Variants in SH3D19 observed in about 807,000 individuals in gnomAD.
SH3D19 encodes SH3 domain-containing protein 19.
SH3D19 carries 58 observed loss-of-function variants against 112.1 expected under a neutral mutation model. The observed-to-expected ratio is 0.52, with a 90% confidence interval of 0.42 to 0.64. SH3D19 has a LOEUF of 0.64. Ranked by LOEUF, SH3D19 falls within the 30% of genes least tolerant of loss-of-function variation. SH3D19 has a pLI of 0.00. For synonymous variants in SH3D19, 391 were observed against 448.5 expected (o/e 0.87, Z 1.62); for missense variants, 1,090 against 1,263.4 (o/e 0.86, Z 2.08).
At chr4:151,198,545 G>A (rs1202665189) in intron 2 of SH3D19, among the ~76,000 whole-genome samples, 1 of 150,062 alleles carries the variant, frequency 6.7e-6, no homozygotes, top group Admixed American at 6.7e-5. Flanking sequence ...TTGATCAAAG[G>A]TTTTAGGTTA....
intron 1 of SH3D19, among the ~76,000 whole-genome samples, chr4:151,302,091 T>C (rs1284848894): frequency 1.3e-5 from 2 of 152,178 alleles, no homozygotes; most frequent in Non-Finnish European, 2.9e-5. Flanking sequence ...ACCATGTAAC[T>C]TGCAGGACCC....
At chr4:151,258,758 G>T (rs549474630) in intron 1 of SH3D19, among the ~76,000 whole-genome samples, 4 of 152,174 alleles carry the variant, frequency 2.6e-5, no homozygotes, top group African/African-American at 7.2e-5. Flanking sequence ...AGAGGAGGGG[G>T]TGAAGCAGAG....
intron 1 of SH3D19, among the ~76,000 whole-genome samples, chr4:151,237,376 T>A (rs1306073641): frequency 6.6e-6 from 1 of 152,184 alleles, no homozygotes; most frequent in Non-Finnish European, 1.5e-5. Flanking sequence ...TTTGTACATC[T>A]CAGAATAACA....
intron 1 of SH3D19, among the ~76,000 whole-genome samples, chr4:151,269,950 G>A (rs1006423901): frequency 1.3e-5 from 2 of 152,120 alleles, no homozygotes; most frequent in African/African-American, 4.8e-5. Context: ...TTGTCCCACT[G>A]GAAGGTGTTC....
intron 2 of SH3D19, among the ~76,000 whole-genome samples, chr4:151,223,092 A>C (rs1330695084): frequency 6.9e-6 from 1 of 145,666 alleles, no homozygotes; most frequent in Non-Finnish European, 1.5e-5. Flanking sequence ...TACTTGATTT[A>C]GATGGTGACC....
intron 1 of SH3D19, among the ~76,000 whole-genome samples, chr4:151,240,074 G>C (rs886487935): frequency 7.9e-5 from 12 of 151,228 alleles, no homozygotes; most frequent in African/African-American, 2.9e-4. Flanking sequence ...CAACTAGCTT[G>C]GGCAACATAC....
chr4:151,192,031 G>A (rs1045281927), intron 2 of SH3D19, among the ~76,000 whole-genome samples: 19 of 144,904 alleles, frequency 1.3e-4, no homozygotes, highest in African/African-American at 3.9e-4. Context: ...TGCAAGCTCC[G>A]CCTCCTGGGT....
intron 1 of SH3D19, among the ~76,000 whole-genome samples, chr4:151,324,539 G>C (rs1291280505): frequency 7.7e-6 from 1 of 130,584 alleles, no homozygotes; most frequent in Non-Finnish European, 1.7e-5. Context: ...AAGAGGGAAG[G>C]GGTGTGGATC....
Position 151,175,453 on chromosome 4 carries a change from T to C in SH3D19, c.751A>G (p.Ile251Val). Reference protein sequence around the residue: ...SHIKEQSQQKISPAAVGEESS... With the variant: ...SHIKEQSQQKVSPAAVGEESS... ...TCCTCTCCTACGGCTGCTGGGCTGA[T>C]TTTCTGTTGACTTTGCTCTTTAATG... The change falls in exon 7 of 20, where the codon ATC becomes GTC. Residue 251 changes from isoleucine (I) to valine (V), a missense_variant. Transcript: ENST00000604030. The C allele has an allele frequency of 2.6e-6, 4 of 1,510,804 alleles. No individual in the cohort carries two copies. Among genetic ancestry groups the C allele is most frequent in the South Asian group, 2.8e-5 (2 of 72,670 alleles). 93.6% of individuals were successfully genotyped at this position (1,510,804 alleles called of 1,614,324 possible).
At chr4:151,255,395 C>A (rs937553259) in intron 1 of SH3D19, among the ~76,000 whole-genome samples, 3 of 150,390 alleles carry the variant, frequency 2.0e-5, no homozygotes, top group African/African-American at 7.4e-5. Flanking sequence ...GACGGGGCAG[C>A]GGGGCAGAGG....
intron 9 of SH3D19, among the ~76,000 whole-genome samples, chr4:151,154,871 C>A (rs1755782230): frequency 6.6e-6 from 1 of 152,148 alleles, no homozygotes; most frequent in Non-Finnish European, 1.5e-5. Context: ...GATTCTCCTG[C>A]CTCAGCCTCC....
At chr4:151,317,459 A>C (rs1377359429) in intron 1 of SH3D19, among the ~76,000 whole-genome samples, 1 of 152,230 alleles carries the variant, frequency 6.6e-6, no homozygotes, top group Non-Finnish European at 1.5e-5. Flanking sequence ...GAAATGACCT[A>C]AGGGAAAACA....
chr4:151,187,480 A>T lies in SH3D19; in HGVS notation c.153-17T>A. On this transcript the variant is annotated splice_polypyrimidine_tract_variant and intron_variant, in intron 2 of 19. Coordinates refer to ENST00000604030, the MANE Select transcript of SH3D19 (RefSeq NM_001378122.1). ...GGTCCTTGGCTAGAAAAAGAAAGAA[A>T]ACTTATTATACATTCATTAATCCTT... The T allele has an allele frequency of 8.2e-7, 1 of 1,221,418 alleles. No individual in the cohort carries two copies. The highest frequency in any genetic ancestry group is 1.0e-6 in the Non-Finnish European group (1 of 978,338). 75.7% of individuals were successfully genotyped at this position (1,221,418 alleles called of 1,614,324 possible).
chr4:151,323,501 G>A (rs1275418325), intron 1 of SH3D19, among the ~76,000 whole-genome samples: 1 of 152,172 alleles, frequency 6.6e-6, no homozygotes, highest in East Asian at 1.9e-4. Flanking sequence ...GTAAAGAAAT[G>A]TAAACTATTA....
intron 17 of SH3D19, among the ~76,000 whole-genome samples, chr4:151,128,617 A>G (rs1447002507): frequency 6.6e-6 from 1 of 152,092 alleles, no homozygotes; most frequent in Non-Finnish European, 1.5e-5. Flanking sequence ...GGATATACAA[A>G]GCTTAAGCAA....
chr4:151,159,295 T>C lies in SH3D19; in HGVS notation c.1700A>G (p.Asn567Ser). 1 of 1,577,602 alleles carries C rather than the reference T, an allele frequency of 6.3e-7. No homozygotes were observed. Among genetic ancestry groups the C allele is most frequent in the Non-Finnish European group, 8.6e-7 (1 of 1,168,122 alleles). The change falls in exon 9 of 20, where the codon AAC becomes AGC. Residue 567 changes from asparagine (N) to serine (S), a missense_variant. Coordinates refer to ENST00000604030, the MANE Select transcript of SH3D19 (RefSeq NM_001378122.1). ...PPLPAEKPIG[N>S]TFSTVSGKLS... ...CTTTCCAGATACTGTACTGAAAGTG[T>C]TTCCAATAGGTTTTTCAGCAGGGAG...
At chr4:151,200,723 A>G (rs1321646986) in intron 2 of SH3D19, among the ~76,000 whole-genome samples, 3 of 152,256 alleles carry the variant, frequency 2.0e-5, no homozygotes, top group African/African-American at 7.2e-5. Flanking sequence ...TTACATTACG[A>G]CAAGAACAAA....
At chr4:151,274,158 AT>A (rs1773421856) in intron 1 of SH3D19, among the ~76,000 whole-genome samples, 1 of 152,212 alleles carries the variant, frequency 6.6e-6, no homozygotes, top group Admixed American at 6.5e-5. Context: ...GCAGACACAA[AT>A]GAAAACAAAT....
In SH3D19 at chr4:151,321,782, C is replaced by G. The variant is rs116024264; in HGVS notation, c.112+3459G>C. 2.6e-3 allele frequency among the ~76,000 whole-genome samples: 391 copies of G among 152,286 alleles called. 1 individual carries two copies. The highest frequency in any genetic ancestry group is 8.8e-3 in the African/African-American group (364 of 41,562). On this transcript the variant is annotated intron_variant, in intron 1 of 19. Transcript: ENST00000604030. ...AAAAATGAAAATTATCAGGCCCTAT[C>G]CCAGACCAAGTGATCAGATACTGAG...
Sources: gnomAD v4.1 joint callset for allele counts (sites outside exome capture counted in the v4.1 genomes callset) on GRCh38, gnomAD v4.1.1 for gene constraint, MANE v1.5 for transcripts, NCBI Gene and HGNC (gene_info 2026-07-23, HGNC 2026-07-21) for gene names.